Variants in ANO5 observed in about 807,000 individuals in gnomAD.
ANO5 encodes the protein anoctamin-5.
ANO5 carries 109 observed loss-of-function variants against 121.0 expected under a neutral mutation model. The ratio of observed to expected loss-of-function variants is 0.90; its 90% CI spans 0.77 to 1.06. The LOEUF (loss-of-function observed/expected upper bound fraction) is 1.06, where lower values mean the gene tolerates loss of function less well. ANO5 is among the 50% of genes least tolerant of loss of function. ANO5 has a pLI of 0.00. For synonymous variants in ANO5, 406 were observed against 359.9 expected (o/e 1.13, Z -1.45); for missense variants, 1,064 against 1,078.5 (o/e 0.99, Z 0.19).
At chr11:22,246,339 T>G (rs1473707715) in intron 9 of ANO5, among the ~76,000 whole-genome samples, 1 of 152,120 alleles carries the variant, frequency 6.6e-6, no homozygotes, top group Non-Finnish European at 1.5e-5. Flanking sequence ...ATTTTTCCCC[T>G]ATAATTTCTT....
At chr11:22,231,669 T>G (rs1156998780) in intron 7 of ANO5, among the ~76,000 whole-genome samples, 2 of 151,940 alleles carry the variant, frequency 1.3e-5, no homozygotes, top group Non-Finnish European at 2.9e-5. Flanking sequence ...AGCTGGTATT[T>G]ATACATTTCA....
At chr11:22,227,222 ATAT>A in intron 6 of ANO5, 77 bp from the exon 7 acceptor site, 1 of 1,549,304 alleles carries the variant, frequency 6.5e-7, no homozygotes, top group Non-Finnish European at 8.8e-7. Flanking sequence ...ATTTTATAAA[ATAT>A]TATCCATCTT....
At chr11:22,254,928 G>A (rs1299050768) in intron 12 of ANO5, among the ~76,000 whole-genome samples, 2 of 152,050 alleles carry the variant, frequency 1.3e-5, no homozygotes, top group African/African-American at 4.8e-5. Flanking sequence ...TTAAAAGAGA[G>A]AGTAATTGTG....
At position 22,250,267 on chromosome 11, in the gene ANO5, T is replaced by A. The variant is rs552321775; in HGVS notation, c.909T>A (p.Tyr303Ter). The change falls in exon 10 of 22, where the codon TAT becomes TAA. Residue 303 changes from tyrosine to a stop codon, truncating the protein, a stop_gained. Transcript: ENST00000324559. LOFTEE classifies it high-confidence loss of function. ...KNYYGEKIGIYFVFLGFYTEM... is the reference protein window; with the variant it reads ...KNYYGEKIGI The stretch of plus-strand genomic sequence containing the variant: ...ATTATGGAGAAAAAATTGGTATCTA[T>A]TTTGTCTTTCTTGGATTTTACACAG... The A allele has an allele frequency of 6.2e-7, 1 of 1,603,068 alleles. No individual in the cohort carries two copies.
chr11:22,235,351 T>C (rs1188764968), intron 7 of ANO5, among the ~76,000 whole-genome samples: 3 of 151,994 alleles, frequency 2.0e-5, no homozygotes, highest in Non-Finnish European at 2.9e-5. Flanking sequence ...AAATTAAAAC[T>C]ACCTAGCATA....
At chr11:22,196,118 A>C (rs1851802779) in intron 1 of ANO5, among the ~76,000 whole-genome samples, 1 of 152,188 alleles carries the variant, frequency 6.6e-6, no homozygotes, top group Non-Finnish European at 1.5e-5. Flanking sequence ...GCTATAACAG[A>C]ATACCACAGC....
At chr11:22,222,974 G>C (rs1012618493) in intron 5 of ANO5, among the ~76,000 whole-genome samples, 1 of 151,936 alleles carries the variant, frequency 6.6e-6, no homozygotes, top group South Asian at 2.1e-4. Context: ...GTTTCATTGA[G>C]AAAACTGAAG....
intron 4 of ANO5, among the ~76,000 whole-genome samples, chr11:22,219,624 T>C (rs1852574544): frequency 1.3e-5 from 2 of 152,048 alleles, no homozygotes; most frequent in Admixed American, 1.3e-4. Flanking sequence ...CTCAGTTGCC[T>C]TCCAAGAATT....
At chr11:22,231,270 T>C (rs1853031795) in intron 7 of ANO5, among the ~76,000 whole-genome samples, 1 of 152,038 alleles carries the variant, frequency 6.6e-6, no homozygotes, top group Non-Finnish European at 1.5e-5. Context: ...ATGTACATTA[T>C]TTCATCACAT....
Position 22,250,828 on chromosome 11 carries a change from T to A in ANO5, c.1101T>A (p.Ser367Arg), listed in dbSNP as rs772302608. The A allele has an allele frequency of 6.2e-7, 1 of 1,614,038 alleles. No individual in the cohort carries two copies. The highest frequency in any genetic ancestry group is 8.5e-7 in the Non-Finnish European group (1 of 1,179,912). Reference sequence around the variant, plus strand: ...TGTGTGATTATTGGAGACTAAATAGTACGTGTTTGGCTTCAAAGGTATGTA... The same window carrying A: ...TGTGTGATTATTGGAGACTAAATAGAACGTGTTTGGCTTCAAAGGTATGTA... Reference protein sequence around the residue: ...DQVCDYWRLNSTCLASKFSHL... With the variant: ...DQVCDYWRLNRTCLASKFSHL... The change falls in exon 11 of 22, where the codon AGT (serine) becomes AGA (arginine). Residue 367 changes from serine (S) to arginine (R), a missense_variant. Ser to Arg is a moderately radical substitution (Grantham distance 110). Transcript: ENST00000324559.
intron 9 of ANO5, among the ~76,000 whole-genome samples, chr11:22,241,968 G>A (rs114862973): frequency 0.028 from 4,248 of 152,016 alleles, 190 homozygotes; most frequent in African/African-American, 0.096. Flanking sequence ...TACCCAGGCC[G>A]ATGTAGAGAA....
intron 1 of ANO5, among the ~76,000 whole-genome samples, chr11:22,202,175 A>T (rs932531700): frequency 7.1e-6 from 1 of 140,722 alleles, no homozygotes; most frequent in Non-Finnish European, 1.5e-5. Context: ...AATAAAATAA[A>T]ATTATAAATA....
At chr11:22,211,194 A>C in intron 2 of ANO5, 70 bp from the exon 3 acceptor site, 1 of 1,523,988 alleles carries the variant, frequency 6.6e-7, no homozygotes, top group African/African-American at 1.4e-5. Context: ...TTGTTACTGA[A>C]ACTTAAAAGC....
chr11:22,222,739 T>C (rs1183516857), intron 5 of ANO5, among the ~76,000 whole-genome samples: 1 of 143,996 alleles, frequency 6.9e-6, no homozygotes, highest in African/African-American at 2.5e-5. Flanking sequence ...ACCTACTAAA[T>C]GCCAGCACAC....
intron 8 of ANO5, among the ~76,000 whole-genome samples, chr11:22,239,367 C>T (rs1199344504): frequency 2.0e-5 from 3 of 151,968 alleles, no homozygotes; most frequent in Admixed American, 6.6e-5. Flanking sequence ...CTTTTACTTG[C>T]ATTTTGAGAT....
intron 19 of ANO5, 75 bp from the exon 20 acceptor site, chr11:22,274,494 G>T: frequency 7.6e-7 from 1 of 1,310,520 alleles, no homozygotes; most frequent in South Asian, 1.4e-5. Context: ...ATGGTACTGA[G>T]AGATGTACAA....
chr11:22,202,791 A>G (rs1564909426), intron 1 of ANO5, among the ~76,000 whole-genome samples: 1 of 152,142 alleles, frequency 6.6e-6, no homozygotes, highest in Non-Finnish European at 1.5e-5. Context: ...TTCTGCTTTT[A>G]TCTTCACACT....
chr11:22,244,704 T>G (rs931382443), intron 9 of ANO5, among the ~76,000 whole-genome samples: 1 of 152,060 alleles, frequency 6.6e-6, no homozygotes, highest in Non-Finnish European at 1.5e-5. Context: ...ATAAAATCCT[T>G]GTAGTGATTG....
intron 17 of ANO5, among the ~76,000 whole-genome samples, chr11:22,264,345 T>G (rs1330987955): frequency 6.6e-6 from 1 of 151,816 alleles, no homozygotes; most frequent in Non-Finnish European, 1.5e-5. Flanking sequence ...TATTTTAAGT[T>G]CTAGCTCTAG....
Sources: allele counts gnomAD v4.1 joint callset (sites outside exome capture counted in the v4.1 genomes callset), GRCh38; gene constraint gnomAD v4.1.1; transcripts MANE v1.5; gene names NCBI Gene and HGNC (gene_info 2026-07-23, HGNC 2026-07-21).